The following FKBP15 variants were observed in gnomAD, a reference collection of about 807,000 sequenced individuals.
The protein encoded by FKBP15 is FKBP prolyl isomerase family member 15.
FKBP15 carries 106 observed loss-of-function variants against 158.1 expected under a neutral mutation model. That is an observed-to-expected ratio of 0.67 (90% confidence interval 0.57 to 0.79). FKBP15 has a LOEUF of 0.79. Ranked by LOEUF, FKBP15 falls within the 30% of genes least tolerant of loss-of-function variation. The pLI is 0.00. For synonymous variants in FKBP15, 547 were observed against 548.6 expected, an observed-to-expected ratio of 1.00 and a Z score of 0.04; for missense variants, 1,287 against 1,479.1, an observed-to-expected ratio of 0.87 and a Z score of 2.13.
chr9:113,180,400 ATGTGTGTGTGTGTGTG>A (rs61018100), intron 19 of FKBP15, among the ~76,000 whole-genome samples: 3 of 150,084 alleles, frequency 2.0e-5, no homozygotes, highest in East Asian at 2.0e-4. Context: ...TCAGAAAAAA[ATGTGTGTGTGTGTGTG>A]TGTGTGTGTG....
rs771216513 is a variant in FKBP15, at chr9:113,171,588, G to T, written c.2651C>A (p.Ser884Ter). ...TTTGAAATACCAGCTCACCTTCTCT[G>T]AGGGGTCAGATGCAGCAGCTTCAAC... is the stretch of plus-strand genomic sequence containing the variant. Reference protein sequence around the residue: ...SGVEAAASDPSEKVKKIMNQV... With the variant: ...SGVEAAASDP Residue 884 changes from serine to a stop codon, truncating the protein, a stop_gained, in exon 24 of 28, where the codon TCA becomes TAA. Coordinates refer to ENST00000238256, the MANE Select transcript of FKBP15 (RefSeq NM_015258.2). LOFTEE classifies it high-confidence loss of function. 1 of 1,607,584 alleles carries T rather than the reference G, an allele frequency of 6.2e-7. No homozygotes were observed. Among genetic ancestry groups the T allele is most frequent in the African/African-American group, 1.3e-5 (1 of 74,840 alleles).
chr9:113,211,676 G>A, intron 1 of FKBP15, 84 bp from the exon 2 acceptor site: 1 of 884,264 alleles, frequency 1.1e-6, no homozygotes, highest in Non-Finnish European at 1.8e-6. Flanking sequence ...CTCCAACCTT[G>A]AACAAATACC....
intron 21 of FKBP15, 99 bp downstream of exon 21, chr9:113,176,432 TTATTTG>T: frequency 7.8e-7 from 1 of 1,289,928 alleles, no homozygotes; most frequent in Non-Finnish European, 1.0e-6. Context: ...CTTTTCTATA[TTATTTG>T]TATTTGTTAC....
Position 113,163,075 on chromosome 9 carries a change from T to C in FKBP15, c.*3003A>G. On this transcript the variant is annotated 3_prime_UTR_variant, in exon 28 of 28. Coordinates refer to ENST00000238256, the MANE Select transcript of FKBP15 (RefSeq NM_015258.2). The stretch of plus-strand genomic sequence containing the variant: ...GAAGCCAGCACTTGCTCCCTGGAGT[T>C]CGGAAGCCATTGCAGCAACCTTCCT... 1 of 647,656 alleles carries C rather than the reference T, an allele frequency of 1.5e-6. No individual in the cohort carries two copies. Among genetic ancestry groups the C allele is most frequent in the Non-Finnish European group, 2.5e-6 (1 of 405,098 alleles). 40.1% of individuals were successfully genotyped at this position (647,656 alleles called of 1,614,324 possible). A position where few individuals can be genotyped will look rare whatever the true frequency, so the allele number is the denominator to read the frequency against.
chr9:113,162,467 C>G lies in FKBP15; in HGVS notation c.*3611G>C, dbSNP rs1415593797. Reference sequence around the variant, plus strand: ...CTGATGATTTTCTCTTATTCCTTATCAGAAAGACAGATTATAGATACCCTC... The same window carrying G: ...CTGATGATTTTCTCTTATTCCTTATGAGAAAGACAGATTATAGATACCCTC... On this transcript the variant is annotated 3_prime_UTR_variant, in exon 28 of 28. Coordinates refer to ENST00000238256, the MANE Select transcript of FKBP15 (RefSeq NM_015258.2). 6.9e-6 allele frequency: 2 copies of G among 290,628 alleles called. No individual in the cohort carries two copies. Among genetic ancestry groups the G allele is most frequent in the Non-Finnish European group, 1.3e-5 (2 of 156,832 alleles). 18.0% of individuals were successfully genotyped at this position (290,628 alleles called of 1,614,324 possible). A position where few individuals can be genotyped will look rare whatever the true frequency, so the allele number is the denominator to read the frequency against.
chr9:113,168,678 T>G, intron 26 of FKBP15, 122 bp from the exon 27 acceptor site: 1 of 794,072 alleles, frequency 1.3e-6, no homozygotes, highest in Non-Finnish European at 2.0e-6. Flanking sequence ...TGCTCAGGAA[T>G]TCCTCCCACC....
At chr9:113,201,673 C>T (rs4978535) in intron 6 of FKBP15, among the ~76,000 whole-genome samples, 124,777 of 152,132 alleles carry the variant, frequency 0.82, 51,259 homozygotes, top group South Asian at 0.89. Context: ...AAAACCCGAC[C>T]GTGCTGGCAC....
At chr9:113,207,125 C>T in intron 3 of FKBP15, 87 bp downstream of exon 3, 3 of 1,054,158 alleles carry the variant, frequency 2.8e-6, no homozygotes, top group Non-Finnish European at 1.4e-6. Context: ...AACCGTTTTG[C>T]AACAAACAGA....
Position 113,169,305 on chromosome 9 carries a change from T to A in FKBP15, c.3404A>T (p.His1135Leu). 6.2e-7 allele frequency: 1 copy of A among 1,614,046 alleles called. No individual in the cohort carries two copies. Among genetic ancestry groups the A allele is most frequent in the Non-Finnish European group, 8.5e-7 (1 of 1,179,902 alleles). The change falls in exon 26 of 28, where the codon CAC becomes CTC. Residue 1135 changes from histidine (H) to leucine (L), a missense_variant. By Grantham distance (99) the His-to-Leu change is moderately conservative. Transcript: ENST00000238256. ...TGCCTCTGTGCTTGACAGCTCCTTG[T>A]GGGGACCGGTGGAGCTAGTGACATC... ...KDDVTSSTGPHKELSSTEAGS... is the reference protein window; with the variant it reads ...KDDVTSSTGPLKELSSTEAGS...
At position 113,161,903 on chromosome 9, in the gene FKBP15, A is replaced by C; in HGVS notation, c.*4175T>G. On this transcript the variant is annotated 3_prime_UTR_variant, in exon 28 of 28. Transcript: ENST00000238256. ...AGGCCAAAGCACTCTGTGAACAGCC[A>C]GCCACTTGAGAGGCTCAGAAGGCTT... 1 of 679,276 alleles carries C rather than the reference A, an allele frequency of 1.5e-6. No homozygotes were observed. The allele number at this position is 679,276 out of a possible 1,614,324, so 42.1% of individuals were successfully genotyped here. A position where few individuals can be genotyped will look rare whatever the true frequency, so the allele number is the denominator to read the frequency against.
intron 23 of FKBP15, 119 bp downstream of exon 23, chr9:113,173,334 G>A (rs1830247032): frequency 6.7e-6 from 7 of 1,038,212 alleles, no homozygotes; most frequent in Admixed American, 2.8e-5. Flanking sequence ...AACAAGTGTG[G>A]TTTTGTCTTC....
chr9:113,187,928 T>C, intron 13 of FKBP15, 29 bp from the exon 14 acceptor site: 1 of 1,538,914 alleles, frequency 6.5e-7, no homozygotes, highest in Non-Finnish European at 9.0e-7. Flanking sequence ...TTTTCACTGT[T>C]ATCCACCCTT....
intron 24 of FKBP15, among the ~76,000 whole-genome samples, chr9:113,171,203 G>A (rs939168573): frequency 6.6e-6 from 1 of 152,182 alleles, no homozygotes. Flanking sequence ...TGAGGCAGGC[G>A]GATCACAAGG....
At chr9:113,220,629 C>A (rs1236492147) in intron 1 of FKBP15, among the ~76,000 whole-genome samples, 1 of 152,180 alleles carries the variant, frequency 6.6e-6, no homozygotes, top group Non-Finnish European at 1.5e-5. Context: ...ATAAGCAGTC[C>A]CTGTCCGGTG....
chr9:113,195,272 A>T (rs1358470060), intron 9 of FKBP15, among the ~76,000 whole-genome samples: 2 of 152,332 alleles, frequency 1.3e-5, no homozygotes, highest in East Asian at 3.9e-4. Context: ...GTAGTGTATA[A>T]ATCTTTCTGA....
chr9:113,187,912 G>A lies in FKBP15; in HGVS notation c.1277-13C>T. The A allele has an allele frequency of 1.9e-6, 3 of 1,601,272 alleles. No individual in the cohort carries two copies. The highest frequency in any genetic ancestry group is 2.6e-6 in the Non-Finnish European group (3 of 1,169,002). ...GATGGCTGAGGTGCTAAGATAAAGG[G>A]AGACATTTTCACTGTTATCCACCCT... is the stretch of plus-strand genomic sequence containing the variant. On this transcript the variant is annotated splice_polypyrimidine_tract_variant and intron_variant, in intron 13 of 27. Coordinates refer to ENST00000238256, the MANE Select transcript of FKBP15 (RefSeq NM_015258.2).
chr9:113,188,077 A>G (rs966381675), intron 13 of FKBP15, among the ~76,000 whole-genome samples, 178 bp from the exon 14 acceptor site: 5 of 152,150 alleles, frequency 3.3e-5, no homozygotes, highest in African/African-American at 1.2e-4. Flanking sequence ...GGGTGCTCTC[A>G]TGTGCTTCTG....
At chr9:113,173,638 TG>T in intron 22 of FKBP15, 33 bp from the exon 23 acceptor site, 2 of 1,596,724 alleles carry the variant, frequency 1.3e-6, no homozygotes, top group Non-Finnish European at 1.7e-6. Context: ...ATATCATCCT[TG>T]GGGGTGGGGG....
At chr9:113,215,731 C>G (rs1487957419) in intron 1 of FKBP15, among the ~76,000 whole-genome samples, 2 of 145,566 alleles carry the variant, frequency 1.4e-5, no homozygotes, top group African/African-American at 5.1e-5. Flanking sequence ...CTCACTACAA[C>G]CTCCGCCTCC....
Sources: gnomAD v4.1 joint callset for allele counts (sites outside exome capture counted in the v4.1 genomes callset) on GRCh38, gnomAD v4.1.1 for gene constraint, MANE v1.5 for transcripts, NCBI Gene and HGNC (gene_info 2026-07-23, HGNC 2026-07-21) for gene names.